SH3GL2: variants seen among roughly 807,000 people sequenced by gnomAD.
The protein encoded by SH3GL2 is endophilin-A1.
In SH3GL2, 24 loss-of-function variants were observed where a neutral mutation model predicts 46.0. The observed-to-expected ratio is 0.52, with a 90% CI of 0.38 to 0.73. The LOEUF (loss-of-function observed/expected upper bound fraction) is 0.73. SH3GL2 is among the 30% of genes least tolerant of loss of function. The probability of loss-of-function intolerance (pLI) is 0.00; values close to 1 mark genes in which losing one functional copy is unlikely to be tolerated. For synonymous variants in SH3GL2, 196 were observed against 147.1 expected, an observed-to-expected ratio of 1.33 and a Z score of -2.40; for missense variants, 413 against 424.2, an observed-to-expected ratio of 0.97 and a Z score of 0.23.
intron 1 of SH3GL2, among the ~76,000 whole-genome samples, chr9:17,583,985 C>T (rs929663983): frequency 6.6e-6 from 1 of 152,182 alleles, no homozygotes; most frequent in African/African-American, 2.4e-5. Context: ...CTCTCTGCTG[C>T]CTTTAAAATC....
intron 3 of SH3GL2, among the ~76,000 whole-genome samples, chr9:17,771,603 C>A (rs1588320810): frequency 6.6e-6 from 1 of 152,220 alleles, no homozygotes; most frequent in Admixed American, 6.5e-5. Flanking sequence ...ATTTCACAAA[C>A]TGTTTTATGC....
intron 1 of SH3GL2, among the ~76,000 whole-genome samples, chr9:17,728,519 C>T (rs1178135592): frequency 6.6e-6 from 1 of 152,016 alleles, no homozygotes; most frequent in African/African-American, 2.4e-5. Flanking sequence ...GATACATGTG[C>T]AGAACGTGCA....
At chr9:17,601,199 T>G (rs1818664199) in intron 1 of SH3GL2, among the ~76,000 whole-genome samples, 1 of 152,220 alleles carries the variant, frequency 6.6e-6, no homozygotes, top group African/African-American at 2.4e-5. Context: ...TTTTGGTTGC[T>G]GAAGCCCAGG....
intron 1 of SH3GL2, among the ~76,000 whole-genome samples, chr9:17,715,970 GTAT>G (rs1563824437): frequency 2.0e-5 from 3 of 152,118 alleles, no homozygotes; most frequent in East Asian, 3.9e-4. Context: ...GGTGTTCAAA[GTAT>G]TATTTGTACT....
intron 1 of SH3GL2, among the ~76,000 whole-genome samples, chr9:17,671,910 C>A: frequency 6.6e-6 from 1 of 152,166 alleles, no homozygotes; most frequent in East Asian, 1.9e-4. Flanking sequence ...AATCTTGTCT[C>A]ATAATAATTG....
intron 2 of SH3GL2, among the ~76,000 whole-genome samples, chr9:17,749,211 C>G (rs778359921): frequency 6.6e-6 from 1 of 152,204 alleles, no homozygotes; most frequent in Non-Finnish European, 1.5e-5. Context: ...TGATCCTCAA[C>G]CAAAGCTGGT....
chr9:17,639,872 C>G (rs1216293135), intron 1 of SH3GL2, among the ~76,000 whole-genome samples: 1 of 151,990 alleles, frequency 6.6e-6, no homozygotes, highest in Non-Finnish European at 1.5e-5. Flanking sequence ...TGAAAGATGT[C>G]AAACCCAAAA....
At chr9:17,622,992 T>TTTCCTTTCCGTTCCTTTCCG in intron 1 of SH3GL2, among the ~76,000 whole-genome samples, 1 of 65,360 alleles carries the variant, frequency 1.5e-5, no homozygotes, top group Middle Eastern at 7.6e-3. Flanking sequence ...TTTCGTTTCC[T>TTTCCTTTCCGTTCCTTTCCG]TTCCTTTCCT....
At chr9:17,624,684 C>A (rs1819239983) in intron 1 of SH3GL2, among the ~76,000 whole-genome samples, 1 of 152,198 alleles carries the variant, frequency 6.6e-6, no homozygotes, top group African/African-American at 2.4e-5. Flanking sequence ...CCATCACTTA[C>A]TTTTGACAAA....
chr9:17,705,758 C>T (rs886177527), intron 1 of SH3GL2, among the ~76,000 whole-genome samples: 6 of 151,944 alleles, frequency 3.9e-5, no homozygotes, highest in African/African-American at 1.2e-4. Context: ...ATTCAGTACA[C>T]ATGGACACAA....
intron 1 of SH3GL2, among the ~76,000 whole-genome samples, chr9:17,622,391 G>A (rs554770956): frequency 2.6e-5 from 4 of 152,218 alleles, no homozygotes; most frequent in African/African-American, 9.6e-5. Flanking sequence ...AATTTCAGTA[G>A]CATTCTTCCA....
intron 1 of SH3GL2, among the ~76,000 whole-genome samples, chr9:17,588,827 A>G (rs991475749): frequency 6.6e-6 from 1 of 152,244 alleles, no homozygotes; most frequent in African/African-American, 2.4e-5. Context: ...AATTTGTTAT[A>G]CAACAGCTGA....
intron 1 of SH3GL2, among the ~76,000 whole-genome samples, chr9:17,679,187 A>G (rs10963200): frequency 0.28 from 42,144 of 152,026 alleles, 6,997 homozygotes; most frequent in East Asian, 0.53. Context: ...TGGTAGCTTG[A>G]TGGGGATGGC....
chr9:17,590,204 C>T (rs1226672188), intron 1 of SH3GL2: 2 of 152,178 alleles, frequency 1.3e-5, no homozygotes, highest in African/African-American at 4.8e-5. Context: ...GGCTTGATGG[C>T]TGAATTTATA....
At chr9:17,735,216 A>G (rs1385517149) in intron 1 of SH3GL2, among the ~76,000 whole-genome samples, 1 of 152,084 alleles carries the variant, frequency 6.6e-6, no homozygotes, top group Non-Finnish European at 1.5e-5. Context: ...CCTACCACTC[A>G]CTGGCAGATG....
chr9:17,757,446 C>T (rs1823029438), intron 2 of SH3GL2, among the ~76,000 whole-genome samples: 2 of 151,138 alleles, frequency 1.3e-5, no homozygotes, highest in African/African-American at 4.8e-5. Flanking sequence ...CTACAAAGAA[C>T]TCAAACAAAT....
chr9:17,600,987 A>G (rs1284484385), intron 1 of SH3GL2, among the ~76,000 whole-genome samples: 1 of 152,182 alleles, frequency 6.6e-6, no homozygotes, highest in Non-Finnish European at 1.5e-5. Flanking sequence ...GTTGTTATCC[A>G]TTAGCTCAGT....
At chr9:17,607,177 C>A (rs543738291) in intron 1 of SH3GL2, among the ~76,000 whole-genome samples, 4 of 152,056 alleles carry the variant, frequency 2.6e-5, no homozygotes, top group Non-Finnish European at 5.9e-5. Context: ...TGTGAACATC[C>A]TAGAGTGTAA....
intron 3 of SH3GL2, among the ~76,000 whole-genome samples, chr9:17,769,938 ACTCCTTTATATATACCCAGTT>A (rs1433667852): frequency 6.6e-6 from 1 of 151,856 alleles, no homozygotes; most frequent in Non-Finnish European, 1.5e-5. Flanking sequence ...TGTCTCTTTT[ACTCCTTTATATATACCCAGTT>A]CCTAGCACAG....
Sources: gnomAD v4.1 joint callset for allele counts (sites outside exome capture counted in the v4.1 genomes callset) on GRCh38, gnomAD v4.1.1 for gene constraint, MANE v1.5 for transcripts, NCBI Gene and HGNC (gene_info 2026-07-23, HGNC 2026-07-21) for gene names.